Variants in CPB1 observed in about 807,000 individuals in gnomAD.
CPB1 encodes carboxypeptidase B1.
CPB1 carries 53 observed loss-of-function variants against 51.4 expected under a neutral mutation model. That is an observed-to-expected ratio of 1.03 (90% confidence interval 0.83 to 1.30). The LOEUF is 1.30. Ranked by LOEUF, CPB1 falls within the 50% of genes most tolerant of loss-of-function variation. The pLI is 0.00. For synonymous variants in CPB1, 189 were observed against 186.9 expected (o/e 1.01, Z -0.09); for missense variants, 494 against 516.2 (o/e 0.96, Z 0.42).
intron 2 of CPB1, among the ~76,000 whole-genome samples, chr3:148,832,146 T>C (rs1237417119): frequency 6.6e-6 from 1 of 152,178 alleles, no homozygotes; most frequent in Non-Finnish European, 1.5e-5. Flanking sequence ...TGAGATTTAT[T>C]TGCCCCATCT....
Position 148,840,647 on chromosome 3 carries a change from A to G in CPB1, c.273-39A>G, listed in dbSNP as rs186628051. ...ATGTGTGTTCACTGGAGAAAAATAC[A>G]CTTATGTTCATAGGAACACCCACTT... On this transcript the variant is annotated intron_variant, in intron 3 of 10. Transcript: ENST00000282957. The G allele has an allele frequency of 2.7e-5, 43 of 1,570,776 alleles. No homozygotes were observed. In the East Asian group the frequency reaches 3.4e-4, roughly 12 times the overall value.
At position 148,841,106 on chromosome 3, in the gene CPB1, AG is replaced by A. The variant is rs146767941; in HGVS notation, c.474+134del. 66 of 653,524 alleles carry A rather than the reference AG, an allele frequency of 1.0e-4. No homozygotes were observed. In the African/African-American group the frequency reaches 1.0e-3, roughly 10 times the overall value. 40.5% of individuals were successfully genotyped at this position (653,524 alleles called of 1,614,324 possible). Reference sequence around the variant, plus strand: ...TAACTCTTTCCTGCCTACATCCCCGAGGGAACCAGATTCCCCAGCTTCTTTT... The same window carrying A: ...TAACTCTTTCCTGCCTACATCCCCGAGGAACCAGATTCCCCAGCTTCTTTT... On this transcript the variant is annotated intron_variant, in intron 5 of 10. Coordinates refer to ENST00000282957, the MANE Select transcript of CPB1 (RefSeq NM_001871.3).
intron 2 of CPB1, among the ~76,000 whole-genome samples, chr3:148,828,683 AT>A (rs1712643481): frequency 1.3e-5 from 2 of 152,344 alleles, no homozygotes; most frequent in South Asian, 4.1e-4. Flanking sequence ...TAAACTGCGT[AT>A]ACAATGTGGC....
intron 9 of CPB1, 43 bp from the exon 10 acceptor site, chr3:148,857,414 G>A: frequency 6.9e-7 from 1 of 1,459,792 alleles, no homozygotes; most frequent in East Asian, 2.3e-5. Flanking sequence ...GTTTGGCAGT[G>A]TGCTTTTATT....
chr3:148,850,041 A>G (rs1311807185), intron 9 of CPB1, among the ~76,000 whole-genome samples: 1 of 152,236 alleles, frequency 6.6e-6, no homozygotes, highest in African/African-American at 2.4e-5. Context: ...CTGGACATTA[A>G]TAAAGATGTA....
In CPB1 at chr3:148,834,500, T is replaced by C. The variant is rs770086335; in HGVS notation, c.150T>C (p.Ile50=). The C allele has an allele frequency of 1.9e-6, 3 of 1,613,332 alleles. No homozygotes were observed. Among genetic ancestry groups the C allele is most frequent in the Non-Finnish European group, 2.5e-6 (3 of 1,179,422 alleles). ...IIRELASTTQ[I]DFWKPDSVTQ... ...AATATATCTTGTCCTTTATTCAGAT[T>C]GACTTCTGGAAGCCAGATTCTGTCA... Residue 50 remains isoleucine, a splice_region_variant and synonymous_variant, in exon 3 of 11, where the codon ATT becomes ATC. Coordinates refer to ENST00000282957, the MANE Select transcript of CPB1 (RefSeq NM_001871.3).
At chr3:148,836,073 A>T (rs558916457) in intron 3 of CPB1, among the ~76,000 whole-genome samples, 47 of 150,580 alleles carry the variant, frequency 3.1e-4, no homozygotes, top group Admixed American at 1.4e-3. Context: ...AAAAATAAAA[A>T]TATATATATA....
At chr3:148,844,876 G>A (rs2108016573) in intron 8 of CPB1, 109 bp downstream of exon 8, 1 of 919,794 alleles carries the variant, frequency 1.1e-6, no homozygotes, top group East Asian at 2.6e-5. Context: ...ATATTTTAAA[G>A]TTCTAACCTT....
chr3:148,840,815 T>C (rs1347592134), intron 4 of CPB1, 30 bp downstream of exon 4: 1 of 1,613,294 alleles, frequency 6.2e-7, no homozygotes, highest in Non-Finnish European at 8.5e-7. Context: ...TAGACAGATA[T>C]TACTTTGGGA....
Position 148,840,879 on chromosome 3 carries a change from GGCT to G in CPB1, c.379_381del (p.Ala127del). ...CAAATGATTCCATTTGGTAGATAGA[GGCT>G]TGGACTCAACAAGTCGCCACTGAGA... On this transcript the variant is annotated inframe_deletion, in exon 5 of 11. Transcript: ENST00000282957. 1 of 1,614,128 alleles carries G rather than the reference GGCT, an allele frequency of 6.2e-7. No individual in the cohort carries two copies. The highest frequency in any genetic ancestry group is 2.2e-5 in the East Asian group (1 of 44,882).
chr3:148,859,640 T>G (rs1713691493), intron 10 of CPB1, among the ~76,000 whole-genome samples, 175 bp from the exon 11 acceptor site: 1 of 152,222 alleles, frequency 6.6e-6, no homozygotes, highest in Non-Finnish European at 1.5e-5. Flanking sequence ...TTAATAAGGT[T>G]GGAGTAATTT....
intron 2 of CPB1, 149 bp from the exon 3 acceptor site, chr3:148,834,349 C>G (rs1401453712): frequency 1.3e-6 from 1 of 741,688 alleles, no homozygotes; most frequent in East Asian, 2.7e-5. Flanking sequence ...TGGTTCCAAC[C>G]CTTGTTCACT....
At position 148,841,931 on chromosome 3, in the gene CPB1, G is replaced by C; in HGVS notation, c.576+7G>C. ...CCAGTGGTTTGTAAGAGAGGTCAGT[G>C]TGTAGAGTGGTTTTTGGCAAAGAGA... On this transcript the variant is annotated splice_region_variant and intron_variant, in intron 6 of 10. Coordinates refer to ENST00000282957, the MANE Select transcript of CPB1 (RefSeq NM_001871.3). 6.3e-7 allele frequency: 1 copy of C among 1,592,012 alleles called. No homozygotes were observed. Among genetic ancestry groups the C allele is most frequent in the Non-Finnish European group, 8.6e-7 (1 of 1,162,342 alleles).
rs765515836 is a variant in CPB1 at position 148,844,699 on chromosome 3, G to A, written c.710G>A (p.Arg237His). ...CAGAGCCGATTTTGGAGAAAGACTC[G>A]CTCCACCCATACTGGATCTAGCTGC... ...WTKSRFWRKT[R>H]STHTGSSCIG... The change falls in exon 8 of 11, where the codon CGC (arginine) becomes CAC (histidine). Residue 237 changes from arginine to histidine, a missense_variant. By Grantham distance (29) the Arg-to-His change is conservative. Transcript: ENST00000282957. 3.7e-6 allele frequency: 6 copies of A among 1,613,772 alleles called. No individual in the cohort carries two copies. The highest frequency in any genetic ancestry group is 2.7e-5 in the African/African-American group (2 of 74,888).
chr3:148,844,811 A>T (rs774238507), intron 8 of CPB1, 44 bp downstream of exon 8: 1 of 1,541,254 alleles, frequency 6.5e-7, no homozygotes, highest in African/African-American at 1.4e-5. Context: ...ATTGAAAAAC[A>T]TAAGAGGAAA....
At chr3:148,849,462 T>G (rs987382560) in intron 9 of CPB1, among the ~76,000 whole-genome samples, 6 of 152,152 alleles carry the variant, frequency 3.9e-5, no homozygotes, top group African/African-American at 9.7e-5. Context: ...TCAGAGAAAT[T>G]AAAACTGGGA....
chr3:148,849,012 C>CTTTTTTTTT lies in CPB1; in HGVS notation c.981+3402_981+3410dup, dbSNP rs1266859977. 6.0e-4 allele frequency among the ~76,000 whole-genome samples: 2 copies of CTTTTTTTTT among 3,306 alleles called. 1 individual carries two copies. Among genetic ancestry groups the CTTTTTTTTT allele is most frequent in the Non-Finnish European group, 8.2e-4 (2 of 2,448 alleles). 2.2% of individuals were successfully genotyped at this position (3,306 alleles called of 152,430 possible). A position where few individuals can be genotyped will look rare whatever the true frequency, so the allele number is the denominator to read the frequency against. ...CTGTCCAGTCTCTCAGTGTAGACCT[C>CTTTTTTTTT]TTTTTTTTTTTTTTTTTTTTTTTTG... On this transcript the variant is annotated intron_variant, in intron 9 of 10. Transcript: ENST00000282957.
At chr3:148,850,672 C>CG (rs1713400924) in intron 9 of CPB1, among the ~76,000 whole-genome samples, 1 of 152,084 alleles carries the variant, frequency 6.6e-6, no homozygotes, top group African/African-American at 2.4e-5. Context: ...AAGATTATAA[C>CG]TAAAGATAAA....
At chr3:148,829,465 G>T (rs577168543) in intron 2 of CPB1, among the ~76,000 whole-genome samples, 3 of 152,140 alleles carry the variant, frequency 2.0e-5, no homozygotes, top group Non-Finnish European at 4.4e-5. Flanking sequence ...AAACCATTAG[G>T]TAATTTTTTT....
Sources: gnomAD v4.1 joint callset for allele counts (sites outside exome capture counted in the v4.1 genomes callset) on GRCh38, gnomAD v4.1.1 for gene constraint, MANE v1.5 for transcripts, NCBI Gene and HGNC (gene_info 2026-07-23, HGNC 2026-07-21) for gene names.